SLIT2: variants seen among roughly 807,000 people sequenced by gnomAD.
SLIT2 encodes the protein slit guidance ligand 2.
In SLIT2, 41 loss-of-function variants were observed where a neutral mutation model predicts 185.7. The observed-to-expected ratio is 0.22, with a 90% CI of 0.17 to 0.29. SLIT2 has a LOEUF of 0.29. Among genes scored for constraint, SLIT2 ranks in the 10% least tolerant of loss-of-function variants. The pLI is 1.00. For synonymous variants in SLIT2, 693 were observed against 680.2 expected (o/e 1.02, Z -0.29); for missense variants, 1,571 against 1,909.0 (o/e 0.82, Z 3.30).
chr4:20,365,960 T>C (rs544251932), intron 4 of SLIT2, among the ~76,000 whole-genome samples: 1 of 152,292 alleles, frequency 6.6e-6, no homozygotes, highest in East Asian at 1.9e-4. Context: ...AATTGTGCTA[T>C]ATGAATTAGG....
chr4:20,436,788 C>T (rs901977249), intron 4 of SLIT2, among the ~76,000 whole-genome samples: 2 of 152,136 alleles, frequency 1.3e-5, no homozygotes, highest in African/African-American at 2.4e-5. Flanking sequence ...AGCATATTTA[C>T]TGTCTGGCCC....
chr4:20,523,954 A>G, intron 13 of SLIT2, 51 bp downstream of exon 13: 6 of 1,612,204 alleles, frequency 3.7e-6, no homozygotes, highest in Non-Finnish European at 5.1e-6. Flanking sequence ...TCCTCTCTGA[A>G]TGTAAGAGCT....
intron 4 of SLIT2, among the ~76,000 whole-genome samples, chr4:20,382,046 A>G (rs2109344384): frequency 6.6e-6 from 1 of 152,234 alleles, no homozygotes; most frequent in African/African-American, 2.4e-5. Flanking sequence ...ATGACCAAAT[A>G]GGATTTATCC....
chr4:20,504,464 C>G (rs1330323858), intron 9 of SLIT2, among the ~76,000 whole-genome samples: 1 of 152,098 alleles, frequency 6.6e-6, no homozygotes, highest in Non-Finnish European at 1.5e-5. Flanking sequence ...ATTATAAAAA[C>G]TTTTTGTGTT....
At chr4:20,549,638 A>G (rs1723560371) in intron 24 of SLIT2, among the ~76,000 whole-genome samples, 1 of 151,918 alleles carries the variant, frequency 6.6e-6, no homozygotes, top group South Asian at 2.1e-4. Flanking sequence ...ATGGCTATAT[A>G]GCTTTTAAAA....
intron 4 of SLIT2, among the ~76,000 whole-genome samples, chr4:20,428,969 T>G (rs1728761173): frequency 6.6e-6 from 1 of 152,202 alleles, no homozygotes; most frequent in South Asian, 2.1e-4. Context: ...GACATCACTT[T>G]TCCTCCATAC....
intron 26 of SLIT2, among the ~76,000 whole-genome samples, chr4:20,557,008 A>G (rs192153458): frequency 2.0e-5 from 3 of 152,160 alleles, no homozygotes; most frequent in African/African-American, 4.8e-5. Flanking sequence ...GCAAGGCCCC[A>G]ACTCTCTTTA....
At chr4:20,293,557 A>G (rs1442744263) in intron 4 of SLIT2, among the ~76,000 whole-genome samples, 1 of 152,214 alleles carries the variant, frequency 6.6e-6, no homozygotes, top group Non-Finnish European at 1.5e-5. Flanking sequence ...CTTAACGCGT[A>G]GTAATGTGAA....
At chr4:20,469,208 A>G (rs1350294367) in intron 5 of SLIT2, among the ~76,000 whole-genome samples, 3 of 152,192 alleles carry the variant, frequency 2.0e-5, no homozygotes, top group Non-Finnish European at 2.9e-5. Flanking sequence ...ATTCCTATGT[A>G]GCATTTACTT....
intron 26 of SLIT2, among the ~76,000 whole-genome samples, chr4:20,560,804 T>C (rs1165027530): frequency 2.0e-5 from 3 of 151,896 alleles, no homozygotes; most frequent in Non-Finnish European, 4.4e-5. Context: ...TGGAGATGAA[T>C]GATATGTTTA....
At chr4:20,569,074 A>G in intron 29 of SLIT2, 70 bp downstream of exon 29, 1 of 1,280,718 alleles carries the variant, frequency 7.8e-7, no homozygotes, top group Non-Finnish European at 1.1e-6. Context: ...GAACTATGTT[A>G]TATATGTTTA....
chr4:20,339,549 G>T (rs1378392359), intron 4 of SLIT2, among the ~76,000 whole-genome samples: 1 of 152,180 alleles, frequency 6.6e-6, no homozygotes, highest in Non-Finnish European at 1.5e-5. Context: ...TGATTTTCAT[G>T]TGGACTCTAG....
chr4:20,429,287 T>C (rs150728265), intron 4 of SLIT2, among the ~76,000 whole-genome samples: 138 of 152,288 alleles, frequency 9.1e-4, no homozygotes, highest in African/African-American at 3.1e-3. Context: ...TTCAATGAAG[T>C]TTCCTATGCA....
chr4:20,333,460 C>T (rs907195576), intron 4 of SLIT2, among the ~76,000 whole-genome samples: 12 of 152,034 alleles, frequency 7.9e-5, no homozygotes, highest in African/African-American at 1.4e-4. Context: ...CTCCTTGTTT[C>T]TCCCTCTCCC....
chr4:20,304,422 T>C (rs1270752811), intron 4 of SLIT2, among the ~76,000 whole-genome samples: 1 of 152,132 alleles, frequency 6.6e-6, no homozygotes, highest in East Asian at 1.9e-4. Context: ...TAATAGACTA[T>C]TACTTTGACT....
chr4:20,564,145 T>G (rs1724908632), intron 26 of SLIT2, among the ~76,000 whole-genome samples: 1 of 151,758 alleles, frequency 6.6e-6, no homozygotes, highest in Non-Finnish European at 1.5e-5. Flanking sequence ...ATAAACAGAT[T>G]AAAGTTGTCA....
intron 4 of SLIT2, among the ~76,000 whole-genome samples, chr4:20,368,244 GA>G (rs1723288295): frequency 8.1e-6 from 1 of 123,856 alleles, no homozygotes; most frequent in Non-Finnish European, 1.7e-5. Context: ...AGAAAAAAAA[GA>G]AAGAAAAAAG....
chr4:20,275,815 CTATT>C (rs1263711568), intron 4 of SLIT2, among the ~76,000 whole-genome samples: 2 of 151,998 alleles, frequency 1.3e-5, no homozygotes, highest in Non-Finnish European at 2.9e-5. Context: ...GACTCAGGAA[CTATT>C]TGTTAGTGCA....
intron 4 of SLIT2, among the ~76,000 whole-genome samples, chr4:20,415,632 G>T (rs913962546): frequency 3.3e-5 from 5 of 152,014 alleles, no homozygotes; most frequent in African/African-American, 1.2e-4. Flanking sequence ...AAGGCAATTT[G>T]TAAATAAACC....
Sources: allele counts gnomAD v4.1 joint callset (sites outside exome capture counted in the v4.1 genomes callset), GRCh38; gene constraint gnomAD v4.1.1; transcripts MANE v1.5; gene names NCBI Gene and HGNC (gene_info 2026-07-23, HGNC 2026-07-21).